Variants in RIMS2 observed in about 807,000 individuals in gnomAD.
The protein encoded by RIMS2 is regulating synaptic membrane exocytosis protein 2.
RIMS2 carries 59 observed loss-of-function variants against 174.4 expected under a neutral mutation model. The observed-to-expected ratio is 0.34, with a 90% confidence interval of 0.27 to 0.42. The LOEUF (loss-of-function observed/expected upper bound fraction) is 0.42. RIMS2 is among the 10% of genes least tolerant of loss of function. The pLI, the probability that RIMS2 is intolerant of heterozygous loss-of-function variation, is 1.00. For missense variants in RIMS2, 1,620 were observed against 1,666.3 expected, an observed-to-expected ratio of 0.97 and a Z score of 0.48; for synonymous variants, 606 against 572.5, an observed-to-expected ratio of 1.06 and a Z score of -0.84.
intron 3 of RIMS2, among the ~76,000 whole-genome samples, chr8:103,778,578 A>C (rs1360924535): frequency 6.6e-6 from 1 of 152,146 alleles, no homozygotes; most frequent in Non-Finnish European, 1.5e-5. Flanking sequence ...GTTGCTGCAA[A>C]TGACAGGATT....
At chr8:103,755,965 AT>A (rs1207427369) in intron 2 of RIMS2, among the ~76,000 whole-genome samples, 3 of 152,042 alleles carry the variant, frequency 2.0e-5, no homozygotes, top group African/African-American at 7.2e-5. Context: ...GCTTTGTTCC[AT>A]TGCTGGCGAG....
chr8:103,740,405 G>A (rs983883789), intron 2 of RIMS2, among the ~76,000 whole-genome samples: 2 of 152,154 alleles, frequency 1.3e-5, no homozygotes, highest in African/African-American at 2.4e-5. Flanking sequence ...AGTAGGCAAC[G>A]CCTGGCTTAT....
intron 19 of RIMS2, among the ~76,000 whole-genome samples, chr8:104,047,430 C>A (rs1168830470): frequency 1.3e-5 from 2 of 152,058 alleles, no homozygotes; most frequent in Non-Finnish European, 2.9e-5. Context: ...GATTCTGGAA[C>A]TAAACTGCCT....
At chr8:103,803,903 A>C (rs2098632481) in intron 3 of RIMS2, among the ~76,000 whole-genome samples, 1 of 152,200 alleles carries the variant, frequency 6.6e-6, no homozygotes, top group African/African-American at 2.4e-5. Flanking sequence ...TGAGCTTGCA[A>C]AAGGATCCTG....
chr8:104,035,186 C>T (rs1409456038), intron 19 of RIMS2, among the ~76,000 whole-genome samples: 1 of 151,778 alleles, frequency 6.6e-6, no homozygotes, highest in Non-Finnish European at 1.5e-5. Flanking sequence ...TGAATTGACA[C>T]AGCTATTGTT....
intron 3 of RIMS2, among the ~76,000 whole-genome samples, chr8:103,797,924 A>G (rs539447403): frequency 6.6e-6 from 1 of 152,204 alleles, no homozygotes; most frequent in African/African-American, 2.4e-5. Flanking sequence ...TTTACTCTCA[A>G]AAGTATCCTG....
At chr8:103,629,178 C>T (rs1354366986) in intron 1 of RIMS2, among the ~76,000 whole-genome samples, 1 of 152,162 alleles carries the variant, frequency 6.6e-6, no homozygotes, top group Non-Finnish European at 1.5e-5. Context: ...TGTGGATAGA[C>T]CCTCTCCTCC....
chr8:103,787,470 G>T (rs933789557), intron 3 of RIMS2, among the ~76,000 whole-genome samples: 1 of 150,300 alleles, frequency 6.7e-6, no homozygotes, highest in African/African-American at 2.4e-5. Flanking sequence ...AGGCCTGGTG[G>T]TGACAAAATC....
intron 19 of RIMS2, among the ~76,000 whole-genome samples, chr8:104,224,845 C>T (rs1483096594): frequency 6.6e-6 from 1 of 152,094 alleles, no homozygotes; most frequent in African/African-American, 2.4e-5. Context: ...GGAAAGTTGT[C>T]TTCAAACTAA....
intron 1 of RIMS2, among the ~76,000 whole-genome samples, chr8:103,687,695 A>C (rs2136956027): frequency 6.6e-6 from 1 of 152,182 alleles, no homozygotes; most frequent in Middle Eastern, 3.4e-3. Flanking sequence ...TGGTGATCAT[A>C]ATTCTACCCT....
At chr8:104,171,014 G>A (rs1359152222) in intron 19 of RIMS2, among the ~76,000 whole-genome samples, 3 of 152,138 alleles carry the variant, frequency 2.0e-5, no homozygotes, top group African/African-American at 7.2e-5. Context: ...TTTCTGCTGA[G>A]AAGTCTGCTG....
At chr8:104,157,894 A>G (rs868291587) in intron 19 of RIMS2, among the ~76,000 whole-genome samples, 1 of 152,172 alleles carries the variant, frequency 6.6e-6, no homozygotes, top group Admixed American at 6.5e-5. Context: ...AGGAACTGCC[A>G]TACTGGTTTT....
chr8:104,184,389 A>C (rs991409720), intron 19 of RIMS2, among the ~76,000 whole-genome samples: 2 of 151,558 alleles, frequency 1.3e-5, no homozygotes, highest in African/African-American at 4.8e-5. Flanking sequence ...TCATGTGTAA[A>C]CATGTTTCAT....
intron 1 of RIMS2, among the ~76,000 whole-genome samples, chr8:103,615,902 C>T (rs150208205): frequency 1.3e-5 from 2 of 152,146 alleles, no homozygotes; most frequent in African/African-American, 4.8e-5. Context: ...CCAAAAACGC[C>T]CAACACCTGA....
chr8:103,922,549 ATTG>A, intron 10 of RIMS2: 1 of 312,222 alleles, frequency 3.2e-6, no homozygotes, highest in Non-Finnish European at 6.4e-6. Context: ...TATTACCAGT[ATTG>A]TTGTTGATTA....
chr8:104,223,697 A>G (rs1376288702), intron 19 of RIMS2: 11 of 1,592,584 alleles, frequency 6.9e-6, no homozygotes, highest in Admixed American at 1.7e-5. Context: ...GGGGCGCTCC[A>G]TGCAGCGCTC....
At chr8:104,030,519 G>A (rs897557261) in intron 19 of RIMS2, among the ~76,000 whole-genome samples, 1 of 152,076 alleles carries the variant, frequency 6.6e-6, no homozygotes, top group Non-Finnish European at 1.5e-5. Context: ...CATGACCTGT[G>A]CTCCCCCACT....
At chr8:104,128,048 T>C (rs1348215781) in intron 19 of RIMS2, among the ~76,000 whole-genome samples, 1 of 152,208 alleles carries the variant, frequency 6.6e-6, no homozygotes, top group African/African-American at 2.4e-5. Flanking sequence ...TTAAATGACA[T>C]TAAGTCACTC....
intron 19 of RIMS2, among the ~76,000 whole-genome samples, chr8:104,241,286 T>A (rs1165062007): frequency 6.6e-6 from 1 of 152,210 alleles, no homozygotes; most frequent in Non-Finnish European, 1.5e-5. Flanking sequence ...ACTTACTATG[T>A]TGCTTCAGGG....
Sources: allele counts gnomAD v4.1 joint callset (sites outside exome capture counted in the v4.1 genomes callset), GRCh38; gene constraint gnomAD v4.1.1; transcripts MANE v1.5; gene names NCBI Gene and HGNC (gene_info 2026-07-23, HGNC 2026-07-21).